Variants in CAMKMT observed in about 807,000 individuals in gnomAD.
The protein encoded by CAMKMT is CaM KMT.
Under a neutral mutation model 48.0 loss-of-function variants are expected in CAMKMT, and 53 were observed. That is an observed-to-expected ratio of 1.10 (90% CI 0.89 to 1.39). The LOEUF is 1.39. Among genes scored for constraint, CAMKMT ranks in the 40% most tolerant of loss-of-function variants. The pLI, the probability that CAMKMT is intolerant of heterozygous loss-of-function variation, is 0.00. For synonymous variants in CAMKMT, 165 were observed against 152.3 expected (o/e 1.08, Z -0.61); for missense variants, 428 against 402.7 (o/e 1.06, Z -0.54).
At chr2:44,488,239 C>G (rs1460997745) in intron 3 of CAMKMT, among the ~76,000 whole-genome samples, 1 of 152,166 alleles carries the variant, frequency 6.6e-6, no homozygotes, top group African/African-American at 2.4e-5. Flanking sequence ...TGGCTCACAC[C>G]TGTAATCCCA....
At chr2:44,584,668 C>T (rs924826673) in intron 3 of CAMKMT, among the ~76,000 whole-genome samples, 3 of 152,216 alleles carry the variant, frequency 2.0e-5, no homozygotes, top group South Asian at 2.1e-4. Flanking sequence ...GTATTCAGTT[C>T]TATAAGGCAA....
At chr2:44,383,663 T>A (rs943123455) in intron 2 of CAMKMT, among the ~76,000 whole-genome samples, 2 of 152,126 alleles carry the variant, frequency 1.3e-5, no homozygotes, top group Admixed American at 6.5e-5. Flanking sequence ...CCAAAGTCCA[T>A]TGTATCATTC....
chr2:44,490,457 T>C (rs1669439190), intron 3 of CAMKMT, among the ~76,000 whole-genome samples: 1 of 152,118 alleles, frequency 6.6e-6, no homozygotes, highest in Admixed American at 6.5e-5. Flanking sequence ...GTATTTTTAG[T>C]AGAGATGGGG....
At chr2:44,716,950 CAT>C (rs1457964684) in intron 7 of CAMKMT, among the ~76,000 whole-genome samples, 2 of 152,118 alleles carry the variant, frequency 1.3e-5, no homozygotes, top group Admixed American at 6.6e-5. Flanking sequence ...AATTAATAAA[CAT>C]ATCTAGACAT....
intron 3 of CAMKMT, among the ~76,000 whole-genome samples, chr2:44,425,862 C>T (rs536204809): frequency 4.6e-5 from 7 of 152,124 alleles, no homozygotes; most frequent in Non-Finnish European, 1.0e-4. Context: ...TCCCAAGTAG[C>T]TGGGATTACA....
intron 3 of CAMKMT, among the ~76,000 whole-genome samples, chr2:44,694,193 G>T (rs1236237217): frequency 1.3e-5 from 2 of 152,206 alleles, no homozygotes; most frequent in Admixed American, 1.3e-4. Flanking sequence ...TGGATCCTCA[G>T]GTTACTGAAT....
chr2:44,378,279 A>G (rs1357637577), intron 2 of CAMKMT, among the ~76,000 whole-genome samples: 3 of 152,186 alleles, frequency 2.0e-5, no homozygotes, highest in Non-Finnish European at 4.4e-5. Flanking sequence ...TAACGTGCTT[A>G]CATATAAATA....
intron 3 of CAMKMT, among the ~76,000 whole-genome samples, chr2:44,408,475 A>G (rs974351297): frequency 1.3e-5 from 2 of 152,042 alleles, no homozygotes; most frequent in Non-Finnish European, 2.9e-5. Flanking sequence ...GACCTCTTTT[A>G]TTAAAGCCCT....
intron 9 of CAMKMT, among the ~76,000 whole-genome samples, chr2:44,761,374 G>A (rs868006668): frequency 2.4e-4 from 36 of 152,284 alleles, no homozygotes; most frequent in Non-Finnish European, 3.2e-4. Flanking sequence ...ACCAGGCTGC[G>A]ATAAAGGCAT....
chr2:44,756,216 A>G (rs1680372541), intron 9 of CAMKMT, among the ~76,000 whole-genome samples: 1 of 152,238 alleles, frequency 6.6e-6, no homozygotes, highest in African/African-American at 2.4e-5. Context: ...TTGATGGGCT[A>G]GGAGGCTGTC....
At chr2:44,364,074 C>T (rs1678336160) in intron 1 of CAMKMT, among the ~76,000 whole-genome samples, 1 of 143,792 alleles carries the variant, frequency 7.0e-6, no homozygotes, top group South Asian at 2.2e-4. Flanking sequence ...GCAGGTAACT[C>T]CTGGGCTCAA....
chr2:44,538,143 G>T (rs1485605853), intron 3 of CAMKMT, among the ~76,000 whole-genome samples: 4 of 152,080 alleles, frequency 2.6e-5, no homozygotes, highest in African/African-American at 9.7e-5. Flanking sequence ...ACCGAGGCGG[G>T]TGGATCACGA....
chr2:44,527,626 C>A (rs1414422870), intron 3 of CAMKMT, among the ~76,000 whole-genome samples: 2 of 151,492 alleles, frequency 1.3e-5, no homozygotes, highest in East Asian at 3.9e-4. Context: ...CTTTAAGAAG[C>A]AGCAGTGTTC....
intron 3 of CAMKMT, among the ~76,000 whole-genome samples, chr2:44,691,888 C>A (rs1394889198): frequency 6.6e-6 from 1 of 152,176 alleles, no homozygotes; most frequent in Non-Finnish European, 1.5e-5. Flanking sequence ...CACCTGCCCA[C>A]CATTCTGGAA....
intron 3 of CAMKMT, among the ~76,000 whole-genome samples, chr2:44,448,116 A>C (rs1458928032): frequency 6.6e-6 from 1 of 152,294 alleles, no homozygotes; most frequent in East Asian, 1.9e-4. Context: ...CCCTTGGTAC[A>C]TGTGGGGAAC....
intron 3 of CAMKMT, among the ~76,000 whole-genome samples, chr2:44,401,408 T>C (rs1205012512): frequency 2.0e-5 from 3 of 151,908 alleles, no homozygotes; most frequent in African/African-American, 4.8e-5. Flanking sequence ...AACAGAAAAA[T>C]TAGCCAGGCA....
chr2:44,527,291 A>G (rs554383078), intron 3 of CAMKMT, among the ~76,000 whole-genome samples: 2 of 144,256 alleles, frequency 1.4e-5, no homozygotes, highest in Non-Finnish European at 3.0e-5. Flanking sequence ...TTATATATAT[A>G]TAATATACAT....
chr2:44,637,894 A>G (rs1280160504), intron 3 of CAMKMT, among the ~76,000 whole-genome samples: 2 of 151,996 alleles, frequency 1.3e-5, no homozygotes, highest in Non-Finnish European at 1.5e-5. Flanking sequence ...GTGAAACCCC[A>G]TCTCCACTAC....
chr2:44,415,097 G>C (rs1211731877), intron 3 of CAMKMT, among the ~76,000 whole-genome samples: 1 of 152,218 alleles, frequency 6.6e-6, no homozygotes, highest in Admixed American at 6.5e-5. Flanking sequence ...AATGCAGTGA[G>C]CTGAGATGGC....
Sources: allele counts gnomAD v4.1 joint callset (sites outside exome capture counted in the v4.1 genomes callset), GRCh38; gene constraint gnomAD v4.1.1; transcripts MANE v1.5; gene names NCBI Gene and HGNC (gene_info 2026-07-23, HGNC 2026-07-21).